Variants in GPC6 observed in about 807,000 individuals in gnomAD.
The protein encoded by GPC6 is glypican-6.
GPC6 carries 14 observed loss-of-function variants against 55.2 expected under a neutral mutation model. That is an observed-to-expected ratio of 0.25 (90% confidence interval 0.17 to 0.40). The LOEUF is 0.40. GPC6 is among the 10% of genes least tolerant of loss of function. The probability of loss-of-function intolerance (pLI) is 1.00; values close to 1 mark genes in which losing one functional copy is unlikely to be tolerated. For synonymous variants in GPC6, 278 were observed against 259.6 expected, an observed-to-expected ratio of 1.07 and a Z score of -0.68; for missense variants, 641 against 708.5, an observed-to-expected ratio of 0.90 and a Z score of 1.08.
At chr13:94,231,638 G>T (rs1890732223) in intron 4 of GPC6, among the ~76,000 whole-genome samples, 1 of 152,156 alleles carries the variant, frequency 6.6e-6, no homozygotes, top group South Asian at 2.1e-4. Context: ...AACATTTTCA[G>T]CCTGAAAGAG....
chr13:93,726,103 TACACACACACACACACACACACAC>T (rs71811304), intron 2 of GPC6, among the ~76,000 whole-genome samples: 25 of 126,852 alleles, frequency 2.0e-4, no homozygotes, highest in Non-Finnish European at 3.5e-4. Context: ...TTTTCCTTCA[TACACACACACACACACACACACAC>T]ACACACACAC....
At chr13:93,378,999 A>AAT in intron 1 of GPC6, among the ~76,000 whole-genome samples, 1 of 151,908 alleles carries the variant, frequency 6.6e-6, no homozygotes, top group Middle Eastern at 3.4e-3. Flanking sequence ...CATCTCAGAA[A>AAT]AAAAAAAAAA....
intron 1 of GPC6, among the ~76,000 whole-genome samples, chr13:93,277,481 A>G (rs545860480): frequency 7.0e-4 from 107 of 152,332 alleles, no homozygotes; most frequent in Non-Finnish European, 7.4e-4. Context: ...TTAAAAGCTT[A>G]TAATAAATGC....
At chr13:93,640,820 CTTCCTTCCTTTG>C (rs1365360673) in intron 2 of GPC6, among the ~76,000 whole-genome samples, 2 of 60,984 alleles carry the variant, frequency 3.3e-5, no homozygotes, top group Non-Finnish European at 1.0e-4. Context: ...TCCTTCTTTC[CTTCCTTCCTTTG>C]TTCCTTCCTT....
intron 3 of GPC6, among the ~76,000 whole-genome samples, chr13:93,849,605 C>A (rs1888324779): frequency 6.6e-6 from 1 of 152,138 alleles, no homozygotes; most frequent in South Asian, 2.1e-4. Flanking sequence ...TCCACCTATA[C>A]ATAGATAAAG....
chr13:93,481,535 A>G (rs1290961592), intron 1 of GPC6, among the ~76,000 whole-genome samples: 12 of 152,032 alleles, frequency 7.9e-5, no homozygotes, highest in Non-Finnish European at 2.9e-5. Flanking sequence ...GTTTTCTTAT[A>G]TGAGTGTTTA....
At chr13:93,403,532 A>C (rs1566338772) in intron 1 of GPC6, among the ~76,000 whole-genome samples, 2 of 152,222 alleles carry the variant, frequency 1.3e-5, no homozygotes, top group Non-Finnish European at 2.9e-5. Flanking sequence ...TCCTCTCCTA[A>C]GATGGCATAG....
chr13:93,405,640 A>G (rs1474086544), intron 1 of GPC6, among the ~76,000 whole-genome samples: 1 of 147,340 alleles, frequency 6.8e-6, no homozygotes, highest in East Asian at 2.0e-4. Context: ...TAACCTCAAT[A>G]TAATCCTTTT....
chr13:93,355,237 G>C (rs1304595690), intron 1 of GPC6, among the ~76,000 whole-genome samples: 4 of 152,132 alleles, frequency 2.6e-5, no homozygotes, highest in Non-Finnish European at 5.9e-5. Context: ...CATTTTCGGG[G>C]GATAAATAGC....
intron 2 of GPC6, among the ~76,000 whole-genome samples, chr13:93,819,108 G>GA (rs1369519088): frequency 1.3e-5 from 2 of 152,196 alleles, no homozygotes; most frequent in African/African-American, 4.8e-5. Flanking sequence ...ACCCTGGGTT[G>GA]AAAACCACTG....
At chr13:93,755,503 A>C (rs919452638) in intron 2 of GPC6, among the ~76,000 whole-genome samples, 1 of 152,204 alleles carries the variant, frequency 6.6e-6, no homozygotes, top group Non-Finnish European at 1.5e-5. Context: ...CACTCACTGA[A>C]ATTCACTTTA....
chr13:93,907,206 C>A (rs771833337), intron 3 of GPC6, among the ~76,000 whole-genome samples: 1 of 152,036 alleles, frequency 6.6e-6, no homozygotes, highest in Non-Finnish European at 1.5e-5. Context: ...TGTCTGCAGA[C>A]CTGCTATAAT....
At chr13:93,341,527 A>G (rs1880254231) in intron 1 of GPC6, among the ~76,000 whole-genome samples, 1 of 152,064 alleles carries the variant, frequency 6.6e-6, no homozygotes, top group Non-Finnish European at 1.5e-5. Flanking sequence ...CCTAAGTTTG[A>G]TGGCTGTGTA....
At chr13:94,083,768 G>A (rs1885189292) in intron 4 of GPC6, among the ~76,000 whole-genome samples, 1 of 152,192 alleles carries the variant, frequency 6.6e-6, no homozygotes, top group South Asian at 2.1e-4. Flanking sequence ...TTAATAGGAA[G>A]ACAGGATATC....
chr13:94,344,745 T>G (rs1172859978), intron 6 of GPC6, among the ~76,000 whole-genome samples: 1 of 152,248 alleles, frequency 6.6e-6, no homozygotes, highest in Non-Finnish European at 1.5e-5. Flanking sequence ...CTGCAACTAT[T>G]TAACCCTTTC....
intron 6 of GPC6, among the ~76,000 whole-genome samples, chr13:94,327,424 T>A (rs1212493707): frequency 3.3e-5 from 5 of 151,988 alleles, no homozygotes; most frequent in Admixed American, 6.6e-5. Context: ...ACCCACCATG[T>A]CCCCCATCTC....
chr13:93,549,051 C>A (rs1874981405), intron 2 of GPC6, among the ~76,000 whole-genome samples: 1 of 152,104 alleles, frequency 6.6e-6, no homozygotes, highest in African/African-American at 2.4e-5. Context: ...GGGTCCTGGC[C>A]ACTGCAAAAG....
chr13:93,485,252 C>T (rs1228557340), intron 1 of GPC6, among the ~76,000 whole-genome samples: 3 of 152,162 alleles, frequency 2.0e-5, no homozygotes, highest in Non-Finnish European at 4.4e-5. Flanking sequence ...TATGAAAGCA[C>T]AGGTGGAAAA....
Position 94,039,764 on chromosome 13 carries a change from C to T in GPC6, c.877+11870C>T, listed in dbSNP as rs762431259. Among the ~76,000 whole-genome samples the T allele has an allele frequency of 9.2e-5, 14 of 151,794 alleles. No individual in the cohort carries two copies. The South Asian group carries it at 1.0e-3, about 11-fold the overall frequency. On this transcript the variant is annotated intron_variant, in intron 4 of 8. Coordinates refer to ENST00000377047, the MANE Select transcript of GPC6 (RefSeq NM_005708.5). Reference sequence around the variant, plus strand: ...ACTCTGACAGATTGTACCTGGAATTCCCCATCTTGGGCTCCATACAGATGG... The same window carrying T: ...ACTCTGACAGATTGTACCTGGAATTTCCCATCTTGGGCTCCATACAGATGG...
Sources: gnomAD v4.1 joint callset for allele counts (sites outside exome capture counted in the v4.1 genomes callset) on GRCh38, gnomAD v4.1.1 for gene constraint, MANE v1.5 for transcripts, NCBI Gene and HGNC (gene_info 2026-07-23, HGNC 2026-07-21) for gene names.